SORBS2: variants seen among roughly 807,000 people sequenced by gnomAD.
SORBS2 encodes sorbin and SH3 domain containing 2.
In SORBS2, 46 loss-of-function variants were observed where a neutral mutation model predicts 97.7. The observed-to-expected ratio is 0.47, with a 90% confidence interval of 0.37 to 0.60. The LOEUF (loss-of-function observed/expected upper bound fraction) is 0.60, where lower values mean the gene tolerates loss of function less well. SORBS2 is among the 20% of genes least tolerant of loss of function. SORBS2 has a pLI of 0.00. For synonymous variants in SORBS2, 476 were observed against 473.4 expected (o/e 1.01, Z -0.07); for missense variants, 1,316 against 1,282.3 (o/e 1.03, Z -0.40).
intron 1 of SORBS2, among the ~76,000 whole-genome samples, chr4:185,821,922 G>A (rs919734312): frequency 5.3e-5 from 8 of 152,118 alleles, no homozygotes; most frequent in Non-Finnish European, 5.9e-5. Flanking sequence ...CATATTAGTT[G>A]CCCGAGGAGA....
intron 1 of SORBS2, among the ~76,000 whole-genome samples, chr4:185,921,729 A>T (rs1369639011): frequency 6.6e-6 from 1 of 152,214 alleles, no homozygotes; most frequent in Non-Finnish European, 1.5e-5. Flanking sequence ...AGCCGACCAC[A>T]ACGCTGGTTT....
At chr4:185,754,705 G>C (rs1474558080) in intron 2 of SORBS2, among the ~76,000 whole-genome samples, 1 of 152,128 alleles carries the variant, frequency 6.6e-6, no homozygotes. Flanking sequence ...GTGGGGTGGG[G>C]GGCTGTGTTC....
At chr4:185,900,817 T>C (rs2099247329) in intron 1 of SORBS2, among the ~76,000 whole-genome samples, 1 of 152,010 alleles carries the variant, frequency 6.6e-6, no homozygotes, top group Non-Finnish European at 1.5e-5. Flanking sequence ...CAGAGAGAAT[T>C]ATATTTCAGA....
intron 1 of SORBS2, among the ~76,000 whole-genome samples, chr4:185,860,651 T>G: frequency 6.6e-6 from 1 of 152,194 alleles, no homozygotes; most frequent in Non-Finnish European, 1.5e-5. Flanking sequence ...AGCTTGGTTT[T>G]ATACATTTTA....
intron 2 of SORBS2, among the ~76,000 whole-genome samples, chr4:185,721,157 C>A: frequency 6.9e-6 from 1 of 145,496 alleles, no homozygotes; most frequent in Non-Finnish European, 1.5e-5. Flanking sequence ...TCACTGCAAC[C>A]TCTGCCTCTC....
At chr4:185,609,118 C>T (rs1452015668) in intron 12 of SORBS2, among the ~76,000 whole-genome samples, 2 of 151,974 alleles carry the variant, frequency 1.3e-5, no homozygotes, top group Admixed American at 6.6e-5. Context: ...TGAGACTGCA[C>T]GTGTGGTTTG....
At chr4:185,949,952 T>G (rs1453702002) in intron 1 of SORBS2, among the ~76,000 whole-genome samples, 3 of 152,032 alleles carry the variant, frequency 2.0e-5, no homozygotes, top group Admixed American at 6.6e-5. Flanking sequence ...TGGTAACTGA[T>G]CCTATCAAGA....
intron 1 of SORBS2, among the ~76,000 whole-genome samples, chr4:185,932,413 C>A (rs1283953676): frequency 6.6e-6 from 1 of 151,634 alleles, no homozygotes; most frequent in Non-Finnish European, 1.5e-5. Flanking sequence ...CGATGATAGT[C>A]TTACTTCTGG....
At position 185,596,530 on chromosome 4, in the gene SORBS2, C is replaced by CTTTTTTTTTT. The variant is rs58831094; in HGVS notation, c.2797-2605_2797-2596dup. Among the ~76,000 whole-genome samples, 18 of 77,432 alleles carry CTTTTTTTTTT rather than the reference C, an allele frequency of 2.3e-4. 3 individuals carry two copies. Among genetic ancestry groups the CTTTTTTTTTT allele is most frequent in the African/African-American group, 8.4e-4 (15 of 17,880 alleles). 50.8% of individuals were successfully genotyped at this position (77,432 alleles called of 152,430 possible). A position where few individuals can be genotyped will look rare whatever the true frequency, so the allele number is the denominator to read the frequency against. On this transcript the variant is annotated intron_variant, in intron 12 of 14. Transcript: ENST00000418609. ...TGTGGGGCAGCCAGCACCGTCCTTG[C>CTTTTTTTTTT]TTTTTTTTTTTTTTTTTTTTTTTGA...
chr4:185,950,880 G>C lies in SORBS2; in HGVS notation c.-338+5316C>G, dbSNP rs555716047. Among the ~76,000 whole-genome samples, 131 of 152,246 alleles carry C rather than the reference G, an allele frequency of 8.6e-4. 1 individual carries two copies. The highest frequency in any genetic ancestry group is 3.0e-3 in the African/African-American group (124 of 41,550). On this transcript the variant is annotated intron_variant, in intron 1 of 20. Coordinates refer to the SORBS2 transcript ENST00000284776. ...CTAAGAGCAGAATAGGAAGGGAATA[G>C]GGTTCCCAGATGGTTCCAGAGGATG...
intron 4 of SORBS2, among the ~76,000 whole-genome samples, chr4:185,671,595 G>GTCCTTTTTTTTCTCC (rs2097713065): frequency 6.6e-6 from 1 of 152,186 alleles, no homozygotes; most frequent in African/African-American, 2.4e-5. Flanking sequence ...AAAAAAAGGA[G>GTCCTTTTTTTTCTCC]AATCATGTTT....
intron 2 of SORBS2, among the ~76,000 whole-genome samples, chr4:185,703,501 T>C (rs1477182524): frequency 6.6e-6 from 1 of 152,194 alleles, no homozygotes; most frequent in African/African-American, 2.4e-5. Flanking sequence ...AACTAAAAGA[T>C]CTAAGCAGAC....
At chr4:185,627,383 T>A (rs28503659) in intron 5 of SORBS2, among the ~76,000 whole-genome samples, 3,880 of 152,182 alleles carry the variant, frequency 0.025, 180 homozygotes, top group African/African-American at 0.089. Context: ...CTAATTTTTT[T>A]AAATTTGTTA....
chr4:185,719,115 AAAGGTATGT>A (rs2098490371), intron 2 of SORBS2, among the ~76,000 whole-genome samples: 1 of 152,234 alleles, frequency 6.6e-6, no homozygotes, highest in Non-Finnish European at 1.5e-5. Context: ...TTGTATAAAG[AAAGGTATGT>A]GATAGCATCG....
chr4:185,671,885 C>T (rs1241209046), intron 4 of SORBS2, among the ~76,000 whole-genome samples: 2 of 152,308 alleles, frequency 1.3e-5, no homozygotes, highest in East Asian at 1.9e-4. Flanking sequence ...AGGCTGGATG[C>T]CCATCTATTG....
intron 1 of SORBS2, among the ~76,000 whole-genome samples, chr4:185,934,637 A>G (rs186731896): frequency 1.7e-4 from 26 of 152,152 alleles, no homozygotes; most frequent in South Asian, 2.1e-4. Context: ...ACAACAAATT[A>G]GCCAGACATG....
intron 1 of SORBS2, among the ~76,000 whole-genome samples, chr4:185,871,377 A>G (rs1471516130): frequency 6.6e-6 from 1 of 152,206 alleles, no homozygotes; most frequent in Non-Finnish European, 1.5e-5. Flanking sequence ...AAATGGAAAC[A>G]CTAAGAGAGC....
At chr4:185,651,411 T>C (rs1030326669) in intron 2 of SORBS2, among the ~76,000 whole-genome samples, 5 of 152,248 alleles carry the variant, frequency 3.3e-5, no homozygotes, top group African/African-American at 1.2e-4. Context: ...GACTTGTTTT[T>C]GGTGAAGTGT....
rs766638786 is a variant in SORBS2 at position 185,651,813 on chromosome 4, A to G, written c.91+849T>C. 10 of 1,495,156 alleles carry G rather than the reference A, an allele frequency of 6.7e-6. No homozygotes were observed. The South Asian group carries it at 8.1e-5, about 12-fold the overall frequency. The allele number at this position is 1,495,156 out of a possible 1,614,324, so 92.6% of individuals were successfully genotyped here. On this transcript the variant is annotated intron_variant, in intron 2 of 14. Transcript: ENST00000418609. The stretch of plus-strand genomic sequence containing the variant: ...ATTGTATGTATAAGGAGTATTATAC[A>G]TGTCTGTGTCATCATCTAGAAAATG...
Sources: allele counts gnomAD v4.1 joint callset (sites outside exome capture counted in the v4.1 genomes callset), GRCh38; gene constraint gnomAD v4.1.1; transcripts MANE v1.5; gene names NCBI Gene and HGNC (gene_info 2026-07-23, HGNC 2026-07-21).